SLC35D4: variants seen among roughly 807,000 people sequenced by gnomAD.
SLC35D4 encodes the protein solute carrier family 35 member D4.
the SLC35D4 span, among the ~76,000 whole-genome samples, chr18:23,343,883 A>G: frequency 6.6e-5 from 10 of 151,420 alleles, no homozygotes; most frequent in African/African-American, 2.4e-4. Context: ...TGTTGCTGCA[A>G]AGGACATGAT....
At chr18:23,302,143 GCGCCAGCCACCTGTCACT>G in the SLC35D4 span, among the ~76,000 whole-genome samples, 4 of 152,210 alleles carry the variant, frequency 2.6e-5, no homozygotes, top group Admixed American at 2.0e-4. Context: ...GGGAGAGATG[GCGCCAGCCACCTGTCACT>G]CGCCAGCCAC....
At chr18:23,398,521 C>G in the SLC35D4 span, among the ~76,000 whole-genome samples, 43 of 152,300 alleles carry the variant, frequency 2.8e-4, no homozygotes, top group Non-Finnish European at 5.1e-4. Flanking sequence ...GTGGTCTGAG[C>G]TGAGCAGCAA....
chr18:23,379,537 C>T, the SLC35D4 span, among the ~76,000 whole-genome samples: 1 of 152,148 alleles, frequency 6.6e-6, no homozygotes, highest in Non-Finnish European at 1.5e-5. Flanking sequence ...AGCATGTTCA[C>T]CCAGTAACTT....
chr18:23,357,838 G>C, the SLC35D4 span, among the ~76,000 whole-genome samples: 2 of 152,210 alleles, frequency 1.3e-5, no homozygotes, highest in Non-Finnish European at 2.9e-5. Context: ...GCGAGTGAGT[G>C]TGTGTTTAAC....
chr18:23,437,729 C>G, the SLC35D4 span: 1 of 1,569,676 alleles, frequency 6.4e-7, no homozygotes, highest in African/African-American at 1.4e-5. Context: ...GGAAGATTCT[C>G]CGACTCAAAC....
the SLC35D4 span, among the ~76,000 whole-genome samples, chr18:23,367,421 C>A: frequency 6.6e-6 from 1 of 152,084 alleles, no homozygotes; most frequent in Non-Finnish European, 1.5e-5. Context: ...GGGACTGGGG[C>A]CCCCACAGTG....
At chr18:23,280,497 G>T in the SLC35D4 span, among the ~76,000 whole-genome samples, 1 of 152,226 alleles carries the variant, frequency 6.6e-6, no homozygotes, top group East Asian at 1.9e-4. Context: ...AGGAGAGAAC[G>T]CTTCCCTAGA....
the SLC35D4 span, among the ~76,000 whole-genome samples, chr18:23,351,481 T>G: frequency 1.3e-5 from 2 of 152,150 alleles, no homozygotes; most frequent in African/African-American, 4.8e-5. Context: ...AAAATCTTAT[T>G]TTCAAAGCAA....
the SLC35D4 span, among the ~76,000 whole-genome samples, chr18:23,305,905 C>G: frequency 5.3e-5 from 8 of 152,218 alleles, no homozygotes; most frequent in African/African-American, 1.4e-4. Context: ...ATATGAGGCA[C>G]TTGGTAAATG....
At chr18:23,359,923 G>A in the SLC35D4 span, among the ~76,000 whole-genome samples, 1 of 152,232 alleles carries the variant, frequency 6.6e-6, no homozygotes. Context: ...TCTCAAGGAA[G>A]GTTCTGAGAT....
At chr18:23,396,224 T>TTG in the SLC35D4 span, among the ~76,000 whole-genome samples, 2 of 152,200 alleles carry the variant, frequency 1.3e-5, no homozygotes, top group Non-Finnish European at 2.9e-5. Flanking sequence ...CTTCAAGGTC[T>TTG]TGTCAGATAA....
At chr18:23,381,498 C>T in the SLC35D4 span, among the ~76,000 whole-genome samples, 1 of 152,096 alleles carries the variant, frequency 6.6e-6, no homozygotes, top group Non-Finnish European at 1.5e-5. Flanking sequence ...AGCAACTGTG[C>T]CCGGCCTCCA....
chr18:23,279,596 T>A, the SLC35D4 span, among the ~76,000 whole-genome samples: 1 of 151,990 alleles, frequency 6.6e-6, no homozygotes, highest in African/African-American at 2.4e-5. Context: ...AGGACACAGA[T>A]ACAGGCACAC....
chr18:23,362,176 A>G, the SLC35D4 span, among the ~76,000 whole-genome samples: 1 of 152,244 alleles, frequency 6.6e-6, no homozygotes, highest in Admixed American at 6.5e-5. Flanking sequence ...CAAAATGTCT[A>G]AACTATTACC....
At chr18:23,359,033 C>T in the SLC35D4 span, among the ~76,000 whole-genome samples, 1 of 152,198 alleles carries the variant, frequency 6.6e-6, no homozygotes, top group African/African-American at 2.4e-5. Flanking sequence ...TGCAAAACAA[C>T]ACTCCTGCAC....
chr18:23,377,792 C>T, the SLC35D4 span: 1 of 835,396 alleles, frequency 1.2e-6, no homozygotes, highest in South Asian at 2.8e-5. Context: ...AGCTTAACAG[C>T]TTGCTGCACT....
chr18:23,291,430 G>A, the SLC35D4 span, among the ~76,000 whole-genome samples: 1 of 152,264 alleles, frequency 6.6e-6, no homozygotes, highest in Non-Finnish European at 1.5e-5. Context: ...CATATCTCAT[G>A]CTTTTGTGGC....
the SLC35D4 span, among the ~76,000 whole-genome samples, chr18:23,280,754 G>A: frequency 2.0e-5 from 3 of 152,266 alleles, no homozygotes; most frequent in East Asian, 3.9e-4. Flanking sequence ...ATAACAGACT[G>A]TACTAAAGGC....
the SLC35D4 span, among the ~76,000 whole-genome samples, chr18:23,376,281 C>G: frequency 2.0e-5 from 3 of 152,220 alleles, no homozygotes; most frequent in Non-Finnish European, 4.4e-5. Context: ...TGGTGCTGAT[C>G]AATTCTGACA....
Sources: gnomAD v4.1 joint callset for allele counts (sites outside exome capture counted in the v4.1 genomes callset) on GRCh38, gnomAD v4.1.1 for gene constraint, MANE v1.5 for transcripts, NCBI Gene and HGNC (gene_info 2026-07-23, HGNC 2026-07-21) for gene names.